CNTN4: variants seen among roughly 807,000 people sequenced by gnomAD.
CNTN4 encodes contactin-4.
A neutral mutation model predicts 122.5 loss-of-function variants in CNTN4; 77 were observed. The ratio of observed to expected loss-of-function variants is 0.63; its 90% confidence interval spans 0.52 to 0.76. The LOEUF (loss-of-function observed/expected upper bound fraction) is 0.76. Ranked by LOEUF, CNTN4 falls within the 30% of genes least tolerant of loss-of-function variation. The probability of loss-of-function intolerance (pLI) is 0.00; values close to 1 mark genes in which losing one functional copy is unlikely to be tolerated. For missense variants in CNTN4, 1,256 were observed against 1,259.1 expected (o/e 1.00, Z 0.04); for synonymous variants, 512 against 447.0 (o/e 1.15, Z -1.83).
intron 14 of CNTN4, among the ~76,000 whole-genome samples, chr3:3,011,356 A>C (rs1046752846): frequency 6.6e-6 from 1 of 152,170 alleles, no homozygotes; most frequent in African/African-American, 2.4e-5. Flanking sequence ...ACCGGTTATT[A>C]ATCTTCTCAG....
intron 7 of CNTN4, among the ~76,000 whole-genome samples, chr3:2,844,890 G>C (rs1435302674): frequency 6.6e-6 from 1 of 152,168 alleles, no homozygotes; most frequent in Non-Finnish European, 1.5e-5. Flanking sequence ...ACTGTTGCCT[G>C]TGGCAAGCTG....
intron 23 of CNTN4, among the ~76,000 whole-genome samples, chr3:3,047,301 CA>C (rs1403121056): frequency 5.3e-5 from 8 of 152,186 alleles, no homozygotes; most frequent in East Asian, 3.8e-4. Flanking sequence ...CAGAACTCTC[CA>C]CCCCAAATCA....
At chr3:2,368,029 C>CTTT (rs549023861) in intron 3 of CNTN4, among the ~76,000 whole-genome samples, 100 of 109,764 alleles carry the variant, frequency 9.1e-4, no homozygotes, top group African/African-American at 1.4e-3. Context: ...TAGAAAACTT[C>CTTT]TTTTTTTTTT....
chr3:2,271,484 T>C (rs2041295534), intron 2 of CNTN4, among the ~76,000 whole-genome samples: 1 of 152,282 alleles, frequency 6.6e-6, no homozygotes, highest in East Asian at 1.9e-4. Flanking sequence ...CATTTCTTCA[T>C]TTGTTAAATA....
chr3:2,992,632 A>C (rs1695153663), intron 14 of CNTN4, among the ~76,000 whole-genome samples: 1 of 152,160 alleles, frequency 6.6e-6, no homozygotes, highest in Non-Finnish European at 1.5e-5. Context: ...AGCAATTTAG[A>C]GTATTTGTTT....
intron 6 of CNTN4, among the ~76,000 whole-genome samples, chr3:2,802,996 CAG>C (rs754962177): frequency 1.3e-5 from 2 of 151,850 alleles, no homozygotes; most frequent in Non-Finnish European, 2.9e-5. Context: ...CAAAGAATAC[CAG>C]AGAGTGAAAA....
At chr3:2,313,762 C>T (rs1466824803) in intron 2 of CNTN4, among the ~76,000 whole-genome samples, 3 of 152,012 alleles carry the variant, frequency 2.0e-5, no homozygotes, top group East Asian at 3.9e-4. Context: ...CTTTATATGA[C>T]GCAAACCTAA....
chr3:2,849,986 C>CTTTTTTTTTTTTTT (rs746657018), intron 7 of CNTN4, among the ~76,000 whole-genome samples: 2 of 140,698 alleles, frequency 1.4e-5, no homozygotes. Context: ...TTAGCAATCA[C>CTTTTTTTTTTTTTT]TTTTTTTTCT....
chr3:2,691,526 G>C (rs184147572), intron 4 of CNTN4, among the ~76,000 whole-genome samples: 76 of 152,226 alleles, frequency 5.0e-4, no homozygotes, highest in Non-Finnish European at 9.1e-4. Flanking sequence ...GTGAAATCAA[G>C]GTGGGAGTTT....
intron 3 of CNTN4, among the ~76,000 whole-genome samples, chr3:2,442,680 T>C (rs2048483349): frequency 1.3e-5 from 2 of 152,278 alleles, no homozygotes; most frequent in Admixed American, 6.5e-5. Flanking sequence ...GCATAATGAT[T>C]AGTTTTATTC....
At chr3:2,382,691 G>A (rs2046072672) in intron 3 of CNTN4, among the ~76,000 whole-genome samples, 1 of 152,164 alleles carries the variant, frequency 6.6e-6, no homozygotes, top group Admixed American at 6.5e-5. Flanking sequence ...AATATACCCT[G>A]TTAGGTATGC....
intron 2 of CNTN4, among the ~76,000 whole-genome samples, chr3:2,202,922 C>T (rs1419685753): frequency 2.0e-4 from 30 of 151,684 alleles, no homozygotes; most frequent in Non-Finnish European, 1.6e-4. Flanking sequence ...CTCCCAAGTT[C>T]GAGATTCTCC....
At chr3:3,024,113 C>T (rs897490388) in intron 14 of CNTN4, among the ~76,000 whole-genome samples, 4 of 152,018 alleles carry the variant, frequency 2.6e-5, no homozygotes, top group Non-Finnish European at 5.9e-5. Context: ...AAACACAATC[C>T]ATGCTTGGCG....
At chr3:2,387,848 CA>C (rs2046306214) in intron 3 of CNTN4, among the ~76,000 whole-genome samples, 1 of 152,114 alleles carries the variant, frequency 6.6e-6, no homozygotes, top group South Asian at 2.1e-4. Context: ...AGACAGAAAA[CA>C]AAGAGCTGGT....
At chr3:2,188,080 C>G (rs1403761859) in intron 2 of CNTN4, among the ~76,000 whole-genome samples, 1 of 152,052 alleles carries the variant, frequency 6.6e-6, no homozygotes, top group African/African-American at 2.4e-5. Flanking sequence ...AGGAGGCTTT[C>G]TGAGCCCCTT....
At chr3:2,844,502 C>T (rs868269011) in intron 7 of CNTN4, among the ~76,000 whole-genome samples, 2 of 152,022 alleles carry the variant, frequency 1.3e-5, no homozygotes, top group Non-Finnish European at 1.5e-5. Flanking sequence ...AAGGACGCCT[C>T]GATGGAAAAG....
chr3:2,952,880 G>A (rs139476154), intron 13 of CNTN4, among the ~76,000 whole-genome samples: 14 of 152,298 alleles, frequency 9.2e-5, no homozygotes, highest in South Asian at 2.1e-4. Context: ...TAGCAACAGC[G>A]AGGATTTGTT....
rs779206846 is a variant in CNTN4 at position 2,736,226 on chromosome 3, C to A, written c.67C>A (p.Leu23Met). 3.1e-6 allele frequency: 5 copies of A among 1,613,568 alleles called. No individual in the cohort carries two copies. The highest frequency in any genetic ancestry group is 1.7e-4 in the Middle Eastern group (1 of 6,058). Residue 23 changes from leucine (L) to methionine (M), a missense_variant, in exon 5 of 25, where the codon CTG (leucine) becomes ATG (methionine). Coordinates refer to ENST00000418658, the MANE Select transcript of CNTN4 (RefSeq NM_175607.3). ...TCTTCTCATTTCAGATGATTCCACA[C>A]TGCATGGCCCGATTTTTATTCAAGA... ...FILCLADDSTLHGPIFIQEPS... is the reference protein window; with the variant it reads ...FILCLADDSTMHGPIFIQEPS...
intron 3 of CNTN4, among the ~76,000 whole-genome samples, chr3:2,552,713 T>G (rs766080258): frequency 2.6e-5 from 4 of 152,018 alleles, no homozygotes; most frequent in Non-Finnish European, 4.4e-5. Context: ...AAAAGGCAGG[T>G]ATGGGGTGGA....
Sources: allele counts gnomAD v4.1 joint callset (sites outside exome capture counted in the v4.1 genomes callset), GRCh38; gene constraint gnomAD v4.1.1; transcripts MANE v1.5; gene names NCBI Gene and HGNC (gene_info 2026-07-23, HGNC 2026-07-21).